The following STARD13 variants were observed in gnomAD, a reference collection of about 807,000 sequenced individuals.
STARD13 encodes stAR-related lipid transfer protein 13.
STARD13 carries 62 observed loss-of-function variants against 106.4 expected under a neutral mutation model. That is an observed-to-expected ratio of 0.58 (90% CI 0.48 to 0.72). The LOEUF is 0.72. Among genes scored for constraint, STARD13 ranks in the 30% least tolerant of loss-of-function variants. The pLI is 0.00. For missense variants in STARD13, 1,387 were observed against 1,424.0 expected (o/e 0.97, Z 0.42); for synonymous variants, 565 against 553.0 (o/e 1.02, Z -0.31).
chr13:33,108,225 C>A (rs1273992331), intron 12 of STARD13, among the ~76,000 whole-genome samples: 1 of 152,202 alleles, frequency 6.6e-6, no homozygotes, highest in Non-Finnish European at 1.5e-5. Flanking sequence ...CTAGCCTAGA[C>A]TGTAAGATGC....
At chr13:33,262,642 C>CACACACA (rs1472269251) in intron 1 of STARD13, among the ~76,000 whole-genome samples, 1 of 134,898 alleles carries the variant, frequency 7.4e-6, no homozygotes, top group Non-Finnish European at 1.6e-5. Context: ...CCCAGAACCC[C>CACACACA]CCCCCCCACA....
At chr13:33,251,366 T>C (rs1890088417) in intron 1 of STARD13, among the ~76,000 whole-genome samples, 1 of 152,186 alleles carries the variant, frequency 6.6e-6, no homozygotes, top group Non-Finnish European at 1.5e-5. Flanking sequence ...GCTCGCTGCA[T>C]TGCCCCTCTT....
chr13:33,298,012 T>C (rs1892562400), intron 1 of STARD13, among the ~76,000 whole-genome samples: 1 of 152,060 alleles, frequency 6.6e-6, no homozygotes, highest in Admixed American at 6.5e-5. Flanking sequence ...CTCAAATCCA[T>C]TCCTTATTAC....
the STARD13 span, among the ~76,000 whole-genome samples, chr13:33,379,344 A>G: frequency 6.6e-6 from 1 of 152,220 alleles, no homozygotes; most frequent in Admixed American, 6.5e-5. Flanking sequence ...ATTTTTCATA[A>G]AAGCCATATA....
chr13:33,557,890 C>A, the STARD13 span, among the ~76,000 whole-genome samples: 4 of 152,178 alleles, frequency 2.6e-5, no homozygotes, highest in African/African-American at 4.8e-5. Context: ...GTTGACATGA[C>A]CCTGGTCCCT....
Position 33,105,650 on chromosome 13 carries a change from G to T in STARD13, c.3285C>A (p.Ala1095=). 6.2e-7 allele frequency: 1 copy of T among 1,614,138 alleles called. No individual in the cohort carries two copies. The highest frequency in any genetic ancestry group is 8.5e-7 in the Non-Finnish European group (1 of 1,179,970). ...GGGGCTGGAAAGAGTTTCTAATCCT[G>T]GCAACTTCTGCTGCACACAGATGTC... is the stretch of plus-strand genomic sequence containing the variant. ...GFGHLCAAEV[A]RIRNSFQPLI... Residue 1095 remains alanine, a synonymous_variant, in exon 14 of 14, where the codon GCC becomes GCA. Transcript: ENST00000336934.
chr13:33,107,235 TG>T (rs1873880543), intron 12 of STARD13, among the ~76,000 whole-genome samples: 1 of 151,982 alleles, frequency 6.6e-6, no homozygotes, highest in East Asian at 1.9e-4. Context: ...CTCGAAGAGG[TG>T]GTTTTACAGT....
intron 1 of STARD13, among the ~76,000 whole-genome samples, chr13:33,306,348 A>C (rs2138481887): frequency 6.6e-6 from 1 of 152,360 alleles, no homozygotes; most frequent in East Asian, 1.9e-4. Flanking sequence ...AAATACTTAA[A>C]TGTAAAACCC....
chr13:33,242,680 T>A (rs1376179008), intron 1 of STARD13, among the ~76,000 whole-genome samples: 6 of 151,830 alleles, frequency 4.0e-5, no homozygotes, highest in Non-Finnish European at 7.4e-5. Flanking sequence ...CTGCTGACCT[T>A]CCCTCCACTA....
chr13:33,184,306 G>A (rs1415893722), intron 1 of STARD13, among the ~76,000 whole-genome samples: 1 of 152,180 alleles, frequency 6.6e-6, no homozygotes, highest in Admixed American at 6.5e-5. Flanking sequence ...GGTGGTTGGG[G>A]TTGCCATGGC....
chr13:33,124,902 C>T (rs1250850769), intron 7 of STARD13, among the ~76,000 whole-genome samples: 1 of 152,092 alleles, frequency 6.6e-6, no homozygotes, highest in Non-Finnish European at 1.5e-5. Context: ...ACTAAACAGC[C>T]ATCCTCACAA....
intron 1 of STARD13, among the ~76,000 whole-genome samples, chr13:33,186,688 A>C (rs187122105): frequency 3.3e-4 from 50 of 152,226 alleles, no homozygotes; most frequent in Admixed American, 2.8e-3. Context: ...TATCCACTTC[A>C]TTATCTCACT....
At chr13:33,613,391 T>C in the STARD13 span, among the ~76,000 whole-genome samples, 1 of 152,182 alleles carries the variant, frequency 6.6e-6, no homozygotes, top group African/African-American at 2.4e-5. Context: ...GTGATTAGTG[T>C]CACCTTAGTA....
intron 1 of STARD13, among the ~76,000 whole-genome samples, chr13:33,197,667 T>C (rs1886729433): frequency 6.6e-6 from 1 of 152,230 alleles, no homozygotes; most frequent in Admixed American, 6.5e-5. Flanking sequence ...TGCTAATGTA[T>C]GCTTGCCTAA....
At chr13:33,163,693 A>G (rs1171113805) in intron 3 of STARD13, among the ~76,000 whole-genome samples, 13 of 128,246 alleles carry the variant, frequency 1.0e-4, no homozygotes, top group African/African-American at 3.8e-4. Flanking sequence ...ACATATATAT[A>G]TATAACATAT....
chr13:33,449,784 T>A, the STARD13 span, among the ~76,000 whole-genome samples: 12 of 152,286 alleles, frequency 7.9e-5, no homozygotes, highest in South Asian at 2.5e-3. Flanking sequence ...TTTTGTAGTT[T>A]TAATTGTAGT....
chr13:33,451,921 G>A, the STARD13 span, among the ~76,000 whole-genome samples: 1 of 152,188 alleles, frequency 6.6e-6, no homozygotes. Flanking sequence ...TAATTATGAA[G>A]TGACCTTGGC....
At chr13:33,196,913 C>T (rs541363611) in intron 1 of STARD13, among the ~76,000 whole-genome samples, 8 of 152,212 alleles carry the variant, frequency 5.3e-5, no homozygotes, top group East Asian at 1.9e-4. Flanking sequence ...TAGAGATTTA[C>T]GTAATTATTG....
At chr13:33,496,445 T>C in the STARD13 span, among the ~76,000 whole-genome samples, 1 of 151,968 alleles carries the variant, frequency 6.6e-6, no homozygotes, top group African/African-American at 2.4e-5. Flanking sequence ...TTCCATAATA[T>C]CCTCATGGTA....
Sources: gnomAD v4.1 joint callset for allele counts (sites outside exome capture counted in the v4.1 genomes callset) on GRCh38, gnomAD v4.1.1 for gene constraint, MANE v1.5 for transcripts, NCBI Gene and HGNC (gene_info 2026-07-23, HGNC 2026-07-21) for gene names.